NEDD4: variants seen among roughly 807,000 people sequenced by gnomAD.
The protein encoded by NEDD4 is E3 ubiquitin-protein ligase NEDD4.
In NEDD4, 99 loss-of-function variants were observed where a neutral mutation model predicts 144.9. The observed-to-expected ratio is 0.68, with a 90% CI of 0.58 to 0.81. NEDD4 has a LOEUF of 0.81. Ranked by LOEUF, NEDD4 falls within the 30% of genes least tolerant of loss-of-function variation. The pLI is 0.00. For missense variants in NEDD4, 985 were observed against 1,065.9 expected, an observed-to-expected ratio of 0.92 and a Z score of 1.06; for synonymous variants, 318 against 350.6, an observed-to-expected ratio of 0.91 and a Z score of 1.04.
In NEDD4 at chr15:55,958,857, T is replaced by C. The variant is rs150681604; in HGVS notation, c.120-7268A>G. 4.6e-4 allele frequency among the ~76,000 whole-genome samples: 69 copies of C among 150,484 alleles called. No homozygotes were observed. The East Asian group carries it at 9.4e-3, about 20-fold the overall frequency. On this transcript the variant is annotated intron_variant, in intron 2 of 28. Transcript: ENST00000435532. ...ATCTTTTTCATTTCCACAGGGTCTA[T>C]AGCAATGCCCCAGTTTTCATTCTCA...
At position 55,850,575 on chromosome 15, in the gene NEDD4, G is replaced by T. The variant is rs780983420; in HGVS notation, c.1314C>A (p.Phe438Leu). Residue 438 changes from phenylalanine to leucine, a missense_variant, in exon 14 of 29, where the codon TTC becomes TTA. Physicochemically the swap from Phe to Leu is conservative, Grantham distance 22. Transcript: ENST00000435532. ...TGGTTTTAGTGTTGTGGTCAATAAAGAAAGGCCTCCCATTTGGTGCATGCC... is the reference window on the plus strand; with the variant it reads ...TGGTTTTAGTGTTGTGGTCAATAAATAAAGGCCTCCCATTTGGTGCATGCC... ...EVRHAPNGRP[F>L]FIDHNTKTTT... The T allele has an allele frequency of 6.2e-7, 1 of 1,614,142 alleles. No homozygotes were observed. Among genetic ancestry groups the T allele is most frequent in the South Asian group, 1.1e-5 (1 of 91,080 alleles).
chr15:55,945,908 C>A (rs1029086481), intron 4 of NEDD4, among the ~76,000 whole-genome samples: 3 of 152,098 alleles, frequency 2.0e-5, no homozygotes, highest in Admixed American at 6.6e-5. Context: ...TCCAGCCAAA[C>A]TAAGCTTCAT....
intron 6 of NEDD4, 24 bp downstream of exon 6, chr15:55,873,933 GA>G (rs2034898263): frequency 7.2e-7 from 1 of 1,396,914 alleles, no homozygotes. Flanking sequence ...AGCCCAAAAG[GA>G]AAATCATGGA....
intron 1 of NEDD4, among the ~76,000 whole-genome samples, chr15:55,979,731 G>A (rs2037768277): frequency 6.6e-6 from 1 of 152,040 alleles, no homozygotes; most frequent in Non-Finnish European, 1.5e-5. Context: ...TTTCTTCAAA[G>A]CCCAAATGCC....
chr15:55,984,720 T>C (rs2037862118), intron 1 of NEDD4, among the ~76,000 whole-genome samples: 2 of 152,238 alleles, frequency 1.3e-5, no homozygotes, highest in Non-Finnish European at 1.5e-5. Flanking sequence ...GTGCTGTGCC[T>C]TTCTCCCTGC....
intron 5 of NEDD4, among the ~76,000 whole-genome samples, chr15:55,909,308 T>C (rs527253086): frequency 1.2e-3 from 178 of 152,302 alleles, no homozygotes; most frequent in Non-Finnish European, 1.9e-3. Flanking sequence ...CGCTTCAATC[T>C]TAGTGTGGGT....
intron 5 of NEDD4, among the ~76,000 whole-genome samples, chr15:55,918,988 T>G (rs1404508462): frequency 1.3e-5 from 2 of 152,114 alleles, no homozygotes; most frequent in African/African-American, 4.8e-5. Flanking sequence ...GTCTGTGGCC[T>G]AAAACTTCCA....
intron 2 of NEDD4, among the ~76,000 whole-genome samples, chr15:55,962,030 T>C (rs1290468062): frequency 6.6e-6 from 1 of 152,226 alleles, no homozygotes. Context: ...AGTTCCCCTT[T>C]AATTCCGTCA....
intron 7 of NEDD4, among the ~76,000 whole-genome samples, chr15:55,871,996 T>C (rs1378199661): frequency 2.0e-5 from 3 of 152,182 alleles, no homozygotes; most frequent in African/African-American, 7.2e-5. Flanking sequence ...TTATTTTCTC[T>C]AAATATTTGA....
intron 1 of NEDD4, among the ~76,000 whole-genome samples, chr15:55,973,513 T>C (rs1049156675): frequency 1.3e-5 from 2 of 152,202 alleles, no homozygotes; most frequent in African/African-American, 4.8e-5. Flanking sequence ...CAGTCCAGCC[T>C]GGTCAACAGA....
intron 5 of NEDD4, among the ~76,000 whole-genome samples, chr15:55,879,400 T>C (rs1200948840): frequency 3.3e-5 from 5 of 152,220 alleles, no homozygotes; most frequent in Admixed American, 3.3e-4. Flanking sequence ...GACAGACTTA[T>C]AGATATTAAA....
chr15:55,904,549 C>G (rs1253025999), intron 5 of NEDD4, among the ~76,000 whole-genome samples: 1 of 152,068 alleles, frequency 6.6e-6, no homozygotes, highest in Admixed American at 6.5e-5. Flanking sequence ...GTGATCTGCC[C>G]ACTTCAGGCT....
chr15:55,961,580 C>G (rs139021155), intron 2 of NEDD4, among the ~76,000 whole-genome samples: 165 of 152,262 alleles, frequency 1.1e-3, no homozygotes, highest in Admixed American at 2.0e-3. Flanking sequence ...ATATCATTCT[C>G]CTGCCTCAGC....
In NEDD4 at chr15:55,949,546, C is replaced by G. The variant is rs372348326; in HGVS notation, c.237+1830G>C. Among the ~76,000 whole-genome samples, 30 of 152,256 alleles carry G rather than the reference C, an allele frequency of 2.0e-4. No homozygotes were observed. The East Asian group carries it at 5.4e-3, about 27-fold the overall frequency. ...ATTCACAATAGCAAAGACTTGGAAC[C>G]AACCCAAATGTCCATCAATAATAGA... On this transcript the variant is annotated intron_variant, in intron 4 of 28. Transcript: ENST00000435532.
At chr15:55,973,106 G>A (rs1465936675) in intron 1 of NEDD4, among the ~76,000 whole-genome samples, 1 of 151,908 alleles carries the variant, frequency 6.6e-6, no homozygotes, top group East Asian at 1.9e-4. Flanking sequence ...AGAAATGTTG[G>A]ACTTAATCTG....
At chr15:55,870,280 A>G (rs911456314) in intron 7 of NEDD4, among the ~76,000 whole-genome samples, 5 of 152,176 alleles carry the variant, frequency 3.3e-5, no homozygotes, top group Admixed American at 1.3e-4. Context: ...TAATCTGGCC[A>G]TATTTTTTTG....
chr15:55,949,638 C>A lies in NEDD4; in HGVS notation c.237+1738G>T, dbSNP rs138054022. ...ATGCAGCCATACAAAAGGATGAGTTCATGTCTTTTGTAGGGACATGGATGA... is the reference window on the plus strand; with the variant it reads ...ATGCAGCCATACAAAAGGATGAGTTAATGTCTTTTGTAGGGACATGGATGA... On this transcript the variant is annotated intron_variant, in intron 4 of 28. Coordinates refer to ENST00000435532, the MANE Select transcript of NEDD4 (RefSeq NM_006154.4). Among the ~76,000 whole-genome samples the A allele has an allele frequency of 7.8e-3, 1,185 of 152,246 alleles. 16 individuals carry two copies. The highest frequency in any genetic ancestry group is 0.027 in the African/African-American group (1,132 of 41,522).
At chr15:55,916,468 T>C (rs977885064) in intron 5 of NEDD4, 2 of 1,614,056 alleles carry the variant, frequency 1.2e-6, no homozygotes, top group Non-Finnish European at 1.7e-6. Flanking sequence ...CTACTGTAAA[T>C]ACCATCCTTC....
At chr15:55,927,017 A>C (rs963991747) in intron 4 of NEDD4, among the ~76,000 whole-genome samples, 9 of 146,916 alleles carry the variant, frequency 6.1e-5, no homozygotes, top group Non-Finnish European at 1.3e-4. Flanking sequence ...CAGAGGTTGC[A>C]GTGAACCAAG....
Sources: gnomAD v4.1 joint callset for allele counts (sites outside exome capture counted in the v4.1 genomes callset) on GRCh38, gnomAD v4.1.1 for gene constraint, MANE v1.5 for transcripts, NCBI Gene and HGNC (gene_info 2026-07-23, HGNC 2026-07-21) for gene names.